Variants in JAM3 observed in about 807,000 individuals in gnomAD.
JAM3 encodes the protein junctional adhesion molecule 3.
A neutral mutation model predicts 39.4 loss-of-function variants in JAM3; 31 were observed. The ratio of observed to expected loss-of-function variants is 0.79; its 90% CI spans 0.59 to 1.06. The LOEUF is 1.06. JAM3 is among the 50% of genes least tolerant of loss of function. The probability of loss-of-function intolerance (pLI) is 0.00; values close to 1 mark genes in which losing one functional copy is unlikely to be tolerated. For synonymous variants in JAM3, 182 were observed against 148.7 expected (o/e 1.22, Z -1.63); for missense variants, 455 against 391.4 (o/e 1.16, Z -1.37).
intron 3 of JAM3, among the ~76,000 whole-genome samples, chr11:134,141,464 G>A (rs1259691433): frequency 1.3e-5 from 2 of 152,026 alleles, no homozygotes; most frequent in Admixed American, 6.5e-5. Context: ...AGAGGGGGGA[G>A]AGGGGCTGGA....
chr11:134,149,017 A>G, intron 8 of JAM3, 129 bp from the exon 9 acceptor site: 2 of 1,122,128 alleles, frequency 1.8e-6, no homozygotes, highest in Non-Finnish European at 2.7e-6. Flanking sequence ...GTGCTTTGCA[A>G]GCGCTAGTGA....
At chr11:134,102,594 G>A (rs554118535) in intron 1 of JAM3, among the ~76,000 whole-genome samples, 18 of 152,258 alleles carry the variant, frequency 1.2e-4, no homozygotes, top group African/African-American at 1.9e-4. Context: ...CGAACCCATC[G>A]CAAAGAAGCT....
intron 8 of JAM3, 112 bp from the exon 9 acceptor site, chr11:134,149,034 T>C: frequency 7.4e-7 from 1 of 1,345,050 alleles, no homozygotes; most frequent in East Asian, 2.3e-5. Context: ...GTGATGGTAC[T>C]TTTTAAGAAT....
At position 134,149,360 on chromosome 11, in the gene JAM3, G is replaced by A. The variant is rs1591811802; in HGVS notation, c.*179G>A. ...ACTCTAACAAGCCACATGAATAGAAGAATTTTCCTCAAGATGGACCCGGTA... is the reference window on the plus strand; with the variant it reads ...ACTCTAACAAGCCACATGAATAGAAAAATTTTCCTCAAGATGGACCCGGTA... On this transcript the variant is annotated 3_prime_UTR_variant, in exon 9 of 9. Transcript: ENST00000299106. 2.8e-6 allele frequency: 2 copies of A among 704,774 alleles called. No homozygotes were observed. The highest frequency in any genetic ancestry group is 3.5e-4 in the Middle Eastern group (1 of 2,864). 43.7% of individuals were successfully genotyped at this position (704,774 alleles called of 1,614,324 possible).
At chr11:134,134,865 G>A (rs565365011) in intron 1 of JAM3, among the ~76,000 whole-genome samples, 2 of 152,248 alleles carry the variant, frequency 1.3e-5, no homozygotes, top group South Asian at 4.1e-4. Context: ...TTTGGTCGGT[G>A]AGTTGTAGGA....
chr11:134,125,871 G>A (rs1181598497), intron 1 of JAM3, among the ~76,000 whole-genome samples: 1 of 152,128 alleles, frequency 6.6e-6, no homozygotes, highest in Non-Finnish European at 1.5e-5. Flanking sequence ...TGGTTGACAG[G>A]CCTCTTCAGA....
At chr11:134,091,194 C>G (rs57409473) in intron 1 of JAM3, among the ~76,000 whole-genome samples, 11 of 152,184 alleles carry the variant, frequency 7.2e-5, no homozygotes, top group Admixed American at 7.2e-4. Context: ...ACCCCCATCT[C>G]TATAAAAAAT....
intron 1 of JAM3, among the ~76,000 whole-genome samples, chr11:134,124,593 A>G (rs1942606979): frequency 6.6e-6 from 1 of 152,340 alleles, no homozygotes; most frequent in East Asian, 1.9e-4. Flanking sequence ...AAAAAAATCC[A>G]ACTACATAAG....
chr11:134,083,998 G>A (rs1941707935), intron 1 of JAM3, among the ~76,000 whole-genome samples: 5 of 152,118 alleles, frequency 3.3e-5, no homozygotes, highest in Non-Finnish European at 7.3e-5. Flanking sequence ...GTAAAAGAAA[G>A]CTTATGGCTA....
intron 1 of JAM3, among the ~76,000 whole-genome samples, chr11:134,105,705 A>G (rs891769329): frequency 2.4e-5 from 3 of 126,132 alleles, no homozygotes; most frequent in African/African-American, 1.1e-4. Flanking sequence ...TTATATACCA[A>G]TAATAGACAA....
At chr11:134,144,160 T>C (rs1265266304) in intron 3 of JAM3, 81 bp from the exon 4 acceptor site, 5 of 1,390,974 alleles carry the variant, frequency 3.6e-6, no homozygotes, top group Admixed American at 1.7e-5. Flanking sequence ...TGGCATCTAG[T>C]GCTAGCCCCA....
intron 1 of JAM3, among the ~76,000 whole-genome samples, chr11:134,118,661 C>T (rs1177299391): frequency 6.6e-6 from 1 of 152,150 alleles, no homozygotes; most frequent in African/African-American, 2.4e-5. Context: ...ACCACTCCTT[C>T]TTTGATATTT....
chr11:134,145,050 C>A, intron 5 of JAM3, 56 bp downstream of exon 5: 1 of 1,374,790 alleles, frequency 7.3e-7, no homozygotes, highest in Non-Finnish European at 1.0e-6. Flanking sequence ...GCAAGAGATG[C>A]TTATTGTGAA....
intron 1 of JAM3, among the ~76,000 whole-genome samples, chr11:134,073,191 GAGTT>G (rs1448683756): frequency 2.0e-5 from 3 of 152,178 alleles, no homozygotes; most frequent in African/African-American, 4.8e-5. Flanking sequence ...AGCTTCCTGA[GAGTT>G]AGCCCTTGTT....
intron 1 of JAM3, among the ~76,000 whole-genome samples, chr11:134,071,822 T>C (rs1289843805): frequency 6.8e-6 from 1 of 148,056 alleles, no homozygotes; most frequent in Non-Finnish European, 1.5e-5. Context: ...GTCAGACTTG[T>C]GTGTATGTTT....
chr11:134,122,422 C>T (rs1317668281), intron 1 of JAM3, among the ~76,000 whole-genome samples: 3 of 152,182 alleles, frequency 2.0e-5, no homozygotes, highest in Non-Finnish European at 4.4e-5. Flanking sequence ...GCAGCCTGAT[C>T]GTAACTGCCT....
chr11:134,124,459 C>A (rs902130117), intron 1 of JAM3: 3 of 484,644 alleles, frequency 6.2e-6, no homozygotes, highest in Non-Finnish European at 1.1e-5. Context: ...TCAGTGTTTT[C>A]TCTATTCAAC....
intron 1 of JAM3, among the ~76,000 whole-genome samples, chr11:134,101,222 A>G (rs749428909): frequency 2.0e-5 from 3 of 152,236 alleles, no homozygotes; most frequent in Admixed American, 2.0e-4. Flanking sequence ...TGTAATGGCA[A>G]ATTAATGTGT....
intron 1 of JAM3, among the ~76,000 whole-genome samples, chr11:134,125,001 G>C (rs973986970): frequency 2.0e-5 from 3 of 151,912 alleles, no homozygotes; most frequent in Non-Finnish European, 4.4e-5. Context: ...ACACCCCCCA[G>C]CCTCAGCGCG....
Sources: gnomAD v4.1 joint callset for allele counts (sites outside exome capture counted in the v4.1 genomes callset) on GRCh38, gnomAD v4.1.1 for gene constraint, MANE v1.5 for transcripts, NCBI Gene and HGNC (gene_info 2026-07-23, HGNC 2026-07-21) for gene names.